CEP350: variants seen among roughly 807,000 people sequenced by gnomAD.
CEP350 encodes centrosomal protein 350.
Under a neutral mutation model 331.8 loss-of-function variants are expected in CEP350, and 126 were observed. The ratio of observed to expected loss-of-function variants is 0.38; its 90% confidence interval spans 0.33 to 0.44. CEP350 has a LOEUF of 0.44. Ranked by LOEUF, CEP350 falls within the 20% of genes least tolerant of loss-of-function variation. The pLI, the probability that CEP350 is intolerant of heterozygous loss-of-function variation, is 1.00. For missense variants in CEP350, 3,406 were observed against 3,634.6 expected (o/e 0.94, Z 1.62); for synonymous variants, 1,200 against 1,259.5 (o/e 0.95, Z 1.00).
intron 22 of CEP350, among the ~76,000 whole-genome samples, chr1:180,050,471 T>G (rs1316026650): frequency 6.6e-6 from 1 of 152,078 alleles, no homozygotes; most frequent in Non-Finnish European, 1.5e-5. Flanking sequence ...AAGACCAGCC[T>G]GGCCAACATG....
intron 27 of CEP350, among the ~76,000 whole-genome samples, chr1:180,072,897 A>AC (rs1378952948): frequency 2.0e-4 from 31 of 152,330 alleles, no homozygotes; most frequent in African/African-American, 7.0e-4. Flanking sequence ...GTGCATGTGA[A>AC]CAGGAGCATG....
At chr1:180,055,614 T>C (rs1435894700) in intron 25 of CEP350, among the ~76,000 whole-genome samples, 3 of 140,944 alleles carry the variant, frequency 2.1e-5, no homozygotes, top group African/African-American at 7.8e-5. Context: ...GCAGTGGCGC[T>C]ATCTCGGCTC....
intron 27 of CEP350, among the ~76,000 whole-genome samples, chr1:180,070,599 C>G (rs1370617159): frequency 6.6e-6 from 1 of 152,190 alleles, no homozygotes; most frequent in East Asian, 1.9e-4. Flanking sequence ...AGGTCACACA[C>G]ACACAGCAGA....
intron 29 of CEP350, 65 bp downstream of exon 29, chr1:180,078,739 GTTATATTAT>G: frequency 1.5e-6 from 2 of 1,349,714 alleles, no homozygotes; most frequent in Non-Finnish European, 2.0e-6. Context: ...TATGTTAGCA[GTTATATTAT>G]TGTAATTAAT....
chr1:179,991,997 C>A, intron 4 of CEP350, 65 bp from the exon 5 acceptor site: 1 of 1,414,562 alleles, frequency 7.1e-7, no homozygotes, highest in Non-Finnish European at 9.2e-7. Flanking sequence ...TTTTAAGATA[C>A]CAGCCTAATT....
intron 37 of CEP350, among the ~76,000 whole-genome samples, chr1:180,108,836 G>A (rs1661311566): frequency 6.6e-6 from 1 of 152,182 alleles, no homozygotes; most frequent in Non-Finnish European, 1.5e-5. Flanking sequence ...CTCCCAGAGG[G>A]AGTTCTCCAA....
chr1:180,101,797 A>C (rs1660830816), intron 37 of CEP350, among the ~76,000 whole-genome samples: 1 of 152,192 alleles, frequency 6.6e-6, no homozygotes, highest in African/African-American at 2.4e-5. Context: ...TAGCTCACAG[A>C]ACTCAGTAAA....
At chr1:180,097,852 C>T (rs1367364568) in intron 36 of CEP350, among the ~76,000 whole-genome samples, 1 of 152,172 alleles carries the variant, frequency 6.6e-6, no homozygotes, top group Non-Finnish European at 1.5e-5. Flanking sequence ...TTTTGCTTTT[C>T]TCACATTACA....
chr1:180,059,774 G>A (rs1658082987), intron 25 of CEP350, among the ~76,000 whole-genome samples: 1 of 152,034 alleles, frequency 6.6e-6, no homozygotes, highest in South Asian at 2.1e-4. Context: ...GACAATATAT[G>A]TTGCCAATGA....
chr1:180,027,229 G>T (rs1371709979), intron 14 of CEP350, among the ~76,000 whole-genome samples: 1 of 152,150 alleles, frequency 6.6e-6, no homozygotes, highest in Non-Finnish European at 1.5e-5. Flanking sequence ...AATTTTATGT[G>T]TATGGGATCA....
rs551562890 is a variant in CEP350, at chr1:179,997,308, G to A, written c.1018+133G>A. On this transcript the variant is annotated intron_variant, in intron 6 of 37. Coordinates refer to ENST00000367607, the MANE Select transcript of CEP350 (RefSeq NM_014810.5). ...GACTGCATAAGCACTTAGGGAGGCC[G>A]AGGTGGGCGGATCATGAGGTCGGGA... 61 of 974,978 alleles carry A rather than the reference G, an allele frequency of 6.3e-5. No homozygotes were observed. In the African/African-American group the frequency reaches 8.9e-4, roughly 14 times the overall value. The allele number at this position is 974,978 out of a possible 1,614,324, so 60.4% of individuals were successfully genotyped here. A position where few individuals can be genotyped will look rare whatever the true frequency, so the allele number is the denominator to read the frequency against.
chr1:180,036,614 TTTAAA>T lies in CEP350; in HGVS notation c.3947-306_3947-302del, dbSNP rs144180151. ...AGCATTTTTTTAGCAATACAGTATT[TTTAAA>T]TTAAAGTATGTACTTTTTTTAGACA... On this transcript the variant is annotated intron_variant, in intron 16 of 37. Transcript: ENST00000367607. Among the ~76,000 whole-genome samples the T allele has an allele frequency of 4.5e-3, 679 of 152,340 alleles. 7 individuals are homozygous for T. The highest frequency in any genetic ancestry group is 0.016 in the African/African-American group (645 of 41,576).
chr1:180,074,007 TAGCC>T, intron 27 of CEP350: 5 of 1,076,496 alleles, frequency 4.6e-6, no homozygotes, highest in Non-Finnish European at 6.2e-6. Context: ...TTTTTTTTAA[TAGCC>T]TGGAGGCCTC....
chr1:180,093,360 A>G lies in CEP350; in HGVS notation c.7255A>G (p.Met2419Val), dbSNP rs768528949. The G allele has an allele frequency of 1.5e-5, 24 of 1,600,726 alleles. No individual in the cohort carries two copies. In the South Asian group the frequency reaches 1.6e-4, roughly 11 times the overall value. Residue 2419 changes from methionine (M) to valine (V), a missense_variant, in exon 34 of 38, where the codon ATG becomes GTG. Physicochemically the swap from Met to Val is conservative, Grantham distance 21 (BLOSUM62 1). Transcript: ENST00000367607. Reference sequence around the variant, plus strand: ...GTCTTGCAGAGATAAGCCACAGCCAATGAGGAGCTCTACAAGTGGAGCCAC... The same window carrying G: ...GTCTTGCAGAGATAAGCCACAGCCAGTGAGGAGCTCTACAAGTGGAGCCAC... ...SQSCRDKPQP[M>V]RSSTSGATSF...
chr1:180,017,778 C>G (rs971649857), intron 11 of CEP350, among the ~76,000 whole-genome samples: 18 of 152,170 alleles, frequency 1.2e-4, no homozygotes, highest in African/African-American at 4.3e-4. Flanking sequence ...CTCTTTATAG[C>G]ATATTGTGTT....
At chr1:179,979,390 G>GTTTT (rs34642448) in intron 1 of CEP350, among the ~76,000 whole-genome samples, 2 of 129,600 alleles carry the variant, frequency 1.5e-5, no homozygotes, top group African/African-American at 2.9e-5. Flanking sequence ...TATTTGGGGT[G>GTTTT]TTTTTTTTTT....
chr1:180,018,251 G>A (rs1558103522), intron 11 of CEP350, among the ~76,000 whole-genome samples: 1 of 152,092 alleles, frequency 6.6e-6, no homozygotes, highest in Non-Finnish European at 1.5e-5. Context: ...CTGGCCTCAA[G>A]TGATTGATTC....
chr1:180,041,185 G>T lies in CEP350; in HGVS notation c.4158G>T (p.Lys1386Asn). 6.3e-7 allele frequency: 1 copy of T among 1,598,582 alleles called. No individual in the cohort carries two copies. The change falls in exon 18 of 38, where the codon AAG becomes AAT. Residue 1386 changes from lysine (K) to asparagine (N), a missense_variant. This residue lies in a region of CEP350 where 1,857 missense variants were observed against 1,909.2 expected (regional missense o/e 0.97). Coordinates refer to ENST00000367607, the MANE Select transcript of CEP350 (RefSeq NM_014810.5). ...GAGACTTGGCCCTCTTGAAACTAAA[G>T]GCTGAACAAGAGGCTCTGGAGAGTC... is the stretch of plus-strand genomic sequence containing the variant. ...HERDLALLKL[K>N]AEQEALESQR... is the part of the protein sequence containing the mutation.
intron 37 of CEP350, among the ~76,000 whole-genome samples, chr1:180,102,018 C>T (rs1332223757): frequency 6.6e-6 from 1 of 152,128 alleles, no homozygotes; most frequent in Non-Finnish European, 1.5e-5. Context: ...TTCCTTCCCC[C>T]AAGGTATTGG....
Sources: gnomAD v4.1 joint callset for allele counts (sites outside exome capture counted in the v4.1 genomes callset) on GRCh38, gnomAD v4.1.1 for gene constraint, gnomAD v4.1.1 regional missense constraint, MANE v1.5 for transcripts, NCBI Gene and HGNC (gene_info 2026-07-23, HGNC 2026-07-21) for gene names.